Variants in PRRC2B observed in about 807,000 individuals in gnomAD.
PRRC2B encodes protein PRRC2B.
Under a neutral mutation model 242.3 loss-of-function variants are expected in PRRC2B, and 68 were observed. That is an observed-to-expected ratio of 0.28 (90% CI 0.23 to 0.34). PRRC2B has a LOEUF of 0.34. Among genes scored for constraint, PRRC2B ranks in the 10% least tolerant of loss-of-function variants. PRRC2B has a pLI of 1.00. For missense variants in PRRC2B, 2,835 were observed against 2,954.8 expected, an observed-to-expected ratio of 0.96 and a Z score of 0.94; for synonymous variants, 1,228 against 1,173.6, an observed-to-expected ratio of 1.05 and a Z score of -0.95.
chr9:131,482,933 T>G lies in PRRC2B; in HGVS notation c.5373+26T>G. 6.3e-7 allele frequency: 1 copy of G among 1,581,224 alleles called. No homozygotes were observed. The highest frequency in any genetic ancestry group is 8.6e-7 in the Non-Finnish European group (1 of 1,163,016). ...GTGAGGCTTTGATTTGTTTTCTTGC[T>G]TGCTTTTTTTACTTTTTATTTTGGT... On this transcript the variant is annotated intron_variant, in intron 22 of 31. Coordinates refer to ENST00000683519, the MANE Select transcript of PRRC2B (RefSeq NM_013318.4). The surrounding 1 kb of genome is among the most constrained non-coding windows in gnomAD (Gnocchi z 5.2).
intron 3 of PRRC2B, among the ~76,000 whole-genome samples, chr9:131,433,398 G>T (rs1045657412): frequency 6.6e-6 from 1 of 152,342 alleles, no homozygotes; most frequent in South Asian, 2.1e-4. Flanking sequence ...ACCCTAGGGG[G>T]CAGAGGGTGG....
chr9:131,492,279 G>T lies in PRRC2B; in HGVS notation c.6473+19G>T. The stretch of plus-strand genomic sequence containing the variant: ...CCTACAGGTAAAGCCACTCCCTGGG[G>T]ACTGCGTGCTGTGTAGCTGAGCAGT... On this transcript the variant is annotated intron_variant, in intron 30 of 31. Coordinates refer to ENST00000683519, the MANE Select transcript of PRRC2B (RefSeq NM_013318.4). 1 of 1,595,706 alleles carries T rather than the reference G, an allele frequency of 6.3e-7. No homozygotes were observed. The highest frequency in any genetic ancestry group is 1.1e-5 in the South Asian group (1 of 90,684).
intron 11 of PRRC2B, among the ~76,000 whole-genome samples, chr9:131,459,905 G>T (rs1258507972): frequency 6.7e-6 from 1 of 149,600 alleles, no homozygotes; most frequent in African/African-American, 2.5e-5. Context: ...CAAGGCTGAG[G>T]CAGGGGGATT....
chr9:131,466,992 G>A (rs1175595636), intron 12 of PRRC2B, among the ~76,000 whole-genome samples: 4 of 151,994 alleles, frequency 2.6e-5, no homozygotes, highest in South Asian at 2.1e-4. Flanking sequence ...TAGTAGAGAC[G>A]GGGTTTCACT....
At position 131,489,402 on chromosome 9, in the gene PRRC2B, G is replaced by A. The variant is rs182281350; in HGVS notation, c.6225+1306G>A. On this transcript the variant is annotated intron_variant, in intron 28 of 31. Transcript: ENST00000683519. ...GGTTTCACCATGTCAGGCTGATCTC[G>A]AACTGCTGACCTCAGTGAGCCACCC... 2.0e-5 allele frequency among the ~76,000 whole-genome samples: 3 copies of A among 152,002 alleles called. No homozygotes were observed. In the East Asian group the frequency reaches 5.8e-4, roughly 29 times the overall value.
At chr9:131,435,368 A>G (rs1313527749) in intron 3 of PRRC2B, among the ~76,000 whole-genome samples, 2 of 152,008 alleles carry the variant, frequency 1.3e-5, no homozygotes, top group Middle Eastern at 6.3e-3. Flanking sequence ...TAATCCCAGC[A>G]CTTTGGGAGG....
Position 131,479,233 on chromosome 9 carries a change from C to T in PRRC2B, c.4759-19C>T, listed in dbSNP as rs1213534963. 2 of 1,612,714 alleles carry T rather than the reference C, an allele frequency of 1.2e-6. No individual in the cohort carries two copies. The highest frequency in any genetic ancestry group is 4.5e-5 in the East Asian group (2 of 44,876). On this transcript the variant is annotated intron_variant, in intron 18 of 31. Transcript: ENST00000683519. ...CTTGGTGCCTTTGGCTAGACTACAG[C>T]ATCCTTTCTTCCCCTCAGGTGCCTG...
In PRRC2B at chr9:131,475,391, C is replaced by G. The variant is rs1451509992; in HGVS notation, c.3262C>G (p.Leu1088Val). Residue 1088 changes from leucine to valine, a missense_variant, in exon 16 of 32, where the codon CTC becomes GTC. By Grantham distance (32) the Leu-to-Val change is conservative (BLOSUM62 1). Transcript: ENST00000683519. ...GRPAGGNGSGLCGGGVLGARS... is the reference protein window; with the variant it reads ...GRPAGGNGSGVCGGGVLGARS... ...GCCTGCTGGCGGAAATGGGAGCGGC[C>G]TCTGTGGTGGGGGGGTCCTGGGGGC... The G allele has an allele frequency of 3.8e-6, 6 of 1,585,384 alleles. No homozygotes were observed. The East Asian group carries it at 6.7e-5, about 18-fold the overall frequency.
intron 25 of PRRC2B, chr9:131,485,762 C>G: frequency 1.6e-6 from 1 of 617,184 alleles, no homozygotes; most frequent in Admixed American, 1.8e-5. Flanking sequence ...CAAGGCAGCC[C>G]TGGTTAAAGT....
intron 1 of PRRC2B, among the ~76,000 whole-genome samples, chr9:131,402,940 G>A (rs1419738573): frequency 6.6e-6 from 1 of 152,190 alleles, no homozygotes. Context: ...GTGCCTCCGG[G>A]AAGCCGGCGT....
chr9:131,418,752 G>A (rs996641186), intron 1 of PRRC2B, among the ~76,000 whole-genome samples: 1 of 152,156 alleles, frequency 6.6e-6, no homozygotes, highest in African/African-American at 2.4e-5. Flanking sequence ...GCCATCCTGA[G>A]TTTTCTTTAA....
intron 1 of PRRC2B, chr9:131,373,755 G>A (rs986083586): frequency 2.0e-5 from 3 of 152,216 alleles, no homozygotes; most frequent in Admixed American, 6.6e-5. Context: ...TCTTTGCGTG[G>A]ATCTTTTAGG....
At chr9:131,403,728 T>C (rs1837286095) in intron 1 of PRRC2B, among the ~76,000 whole-genome samples, 2 of 151,788 alleles carry the variant, frequency 1.3e-5, no homozygotes, top group South Asian at 2.1e-4. Flanking sequence ...TTTTCCCCAA[T>C]GTCCCAGGCA....
At chr9:131,486,648 G>A in intron 26 of PRRC2B, 1 of 628,214 alleles carries the variant, frequency 1.6e-6, no homozygotes, top group Non-Finnish European at 2.0e-6. Flanking sequence ...CTGGTGCTGG[G>A]CCTTTGGGAT....
At chr9:131,477,310 A>G (rs966876942) in intron 16 of PRRC2B, among the ~76,000 whole-genome samples, 3 of 152,174 alleles carry the variant, frequency 2.0e-5, no homozygotes, top group African/African-American at 7.2e-5. Flanking sequence ...GCCACAGGGA[A>G]CACCGACTCT....
At chr9:131,389,915 G>T (rs865818466), upstream of PRRC2B, among the ~76,000 whole-genome samples, 1,145 of 93,542 alleles carry the variant, frequency 0.012, 71 homozygotes, top group South Asian at 0.022. Context: ...GAACATGGTT[G>T]TTTTTTTTTT....
rs1355825404 is a variant in PRRC2B, at chr9:131,446,693, C to T, written c.855+51C>T. 3.8e-6 allele frequency: 6 copies of T among 1,599,214 alleles called. No homozygotes were observed. The Admixed American group carries it at 5.0e-5, about 13-fold the overall frequency. On this transcript the variant is annotated intron_variant, in intron 7 of 31. Coordinates refer to ENST00000683519, the MANE Select transcript of PRRC2B (RefSeq NM_013318.4). This position sits in a 1 kb window ranked among gnomAD's most constrained non-coding sequence, Gnocchi z 4.1. ...TCCCCCCATGAAGTTGGATTGTGTC[C>T]AGCAGATAGGTCAAGTGGTTGAATG...
chr9:131,424,395 TGGG>T (rs1444180117), intron 1 of PRRC2B, among the ~76,000 whole-genome samples: 3 of 149,260 alleles, frequency 2.0e-5, no homozygotes, highest in East Asian at 4.1e-4. Context: ...GTTAAAAGGT[TGGG>T]GGCACTGGCT....
rs1331385513 is a variant in PRRC2B, at chr9:131,476,321, G to A, written c.4192G>A (p.Asp1398Asn). The A allele has an allele frequency of 1.3e-6, 2 of 1,580,576 alleles. No homozygotes were observed. The highest frequency in any genetic ancestry group is 1.7e-6 in the Non-Finnish European group (2 of 1,163,802). Residue 1398 changes from aspartate (D) to asparagine (N), a missense_variant, in exon 16 of 32, where the codon GAC becomes AAC. Asp to Asn is a conservative substitution (Grantham distance 23). Coordinates refer to ENST00000683519, the MANE Select transcript of PRRC2B (RefSeq NM_013318.4). ...ERREGPGSEP[D>N]SQVDGGLSGA... ...GCGGGAAGGCCCTGGGTCCGAGCCC[G>A]ACTCCCAGGTGGATGGTGGCCTGTC...
Sources: allele counts gnomAD v4.1 joint callset (sites outside exome capture counted in the v4.1 genomes callset), GRCh38; gene constraint gnomAD v4.1.1; non-coding constraint Gnocchi (gnomAD v3.1); transcripts MANE v1.5; gene names NCBI Gene and HGNC (gene_info 2026-07-23, HGNC 2026-07-21).